TMEM266: variants seen among roughly 807,000 people sequenced by gnomAD.
TMEM266 encodes Hv1 related protein 1.
TMEM266 carries 33 observed loss-of-function variants against 50.5 expected under a neutral mutation model. That is an observed-to-expected ratio of 0.65 (90% CI 0.50 to 0.87). The LOEUF is 0.87. Among genes scored for constraint, TMEM266 ranks in the 40% least tolerant of loss-of-function variants. The probability of loss-of-function intolerance (pLI) is 0.00; values close to 1 mark genes in which losing one functional copy is unlikely to be tolerated. For missense variants in TMEM266, 655 were observed against 695.1 expected (o/e 0.94, Z 0.65); for synonymous variants, 310 against 292.3 (o/e 1.06, Z -0.62).
In TMEM266 at chr15:76,161,511, G is replaced by A. The variant is rs1042929565; in HGVS notation, c.456+1343G>A. ...AAAATCAGGAGGGAGCTGGGCTTTG[G>A]GTCTTGAGTCCAGAATCCTGAGTCC... On this transcript the variant is annotated intron_variant, in intron 5 of 10. Coordinates refer to ENST00000388942, the MANE Select transcript of TMEM266 (RefSeq NM_152335.3). This position sits in a 1 kb window ranked among gnomAD's most constrained non-coding sequence, Gnocchi z 4.1. 1.3e-5 allele frequency among the ~76,000 whole-genome samples: 2 copies of A among 151,974 alleles called. No homozygotes were observed. The highest frequency in any genetic ancestry group is 2.4e-5 in the African/African-American group (1 of 41,328).
At chr15:76,184,795 C>T (rs2038470512) in intron 8 of TMEM266, among the ~76,000 whole-genome samples, 1 of 152,244 alleles carries the variant, frequency 6.6e-6, no homozygotes, top group Non-Finnish European at 1.5e-5. Context: ...GCCTGACTCA[C>T]TCCAGTAATG....
In TMEM266 at chr15:76,184,639, T is replaced by C. The variant is rs576682336; in HGVS notation, c.769-7329T>C. On this transcript the variant is annotated intron_variant, in intron 8 of 10. Transcript: ENST00000388942. ...TACCATCGAGCTTCTGGCCAAAGTG[T>C]GCATTGATCAGGACAAGGCCCGTGT... 8.5e-5 allele frequency among the ~76,000 whole-genome samples: 13 copies of C among 152,354 alleles called. No individual in the cohort carries two copies. The East Asian group carries it at 2.5e-3, about 29-fold the overall frequency.
chr15:76,199,881 C>G (rs1268761563), intron 9 of TMEM266, among the ~76,000 whole-genome samples: 1 of 151,222 alleles, frequency 6.6e-6, no homozygotes, highest in Admixed American at 6.6e-5. Flanking sequence ...AGGAGACTTC[C>G]CAGGAGGGAT....
intron 1 of TMEM266, among the ~76,000 whole-genome samples, chr15:76,118,528 C>T (rs1567157462): frequency 6.6e-6 from 1 of 152,226 alleles, no homozygotes; most frequent in African/African-American, 2.4e-5. Flanking sequence ...CACTGCACTC[C>T]AGCCTGGGCA....
intron 6 of TMEM266, among the ~76,000 whole-genome samples, 177 bp from the exon 7 acceptor site, chr15:76,170,816 G>T (rs2038175712): frequency 6.6e-6 from 1 of 152,140 alleles, no homozygotes; most frequent in African/African-American, 2.4e-5. Context: ...ACGTCTAGGA[G>T]GAGGAGGCCC....
chr15:76,116,917 G>A (rs1428511174), intron 1 of TMEM266, among the ~76,000 whole-genome samples: 2 of 54,186 alleles, frequency 3.7e-5, no homozygotes, highest in Non-Finnish European at 7.9e-5. Flanking sequence ...TTTTTTTTTT[G>A]AGACGGAGTT....
intron 1 of TMEM266, among the ~76,000 whole-genome samples, chr15:76,061,104 C>T (rs2036293400): frequency 6.6e-6 from 1 of 152,118 alleles, no homozygotes; most frequent in African/African-American, 2.4e-5. Flanking sequence ...CTTACCTCCT[C>T]CCCCAAATAC....
chr15:76,119,118 CAG>C (rs1303857580), intron 1 of TMEM266, among the ~76,000 whole-genome samples: 1 of 152,166 alleles, frequency 6.6e-6, no homozygotes, highest in Non-Finnish European at 1.5e-5. Flanking sequence ...GCCATCTTCC[CAG>C]AGTTTCTAGT....
At chr15:76,071,716 CA>C (rs2036541988) in intron 1 of TMEM266, among the ~76,000 whole-genome samples, 1 of 152,124 alleles carries the variant, frequency 6.6e-6, no homozygotes, top group African/African-American at 2.4e-5. Flanking sequence ...TGGTTCCCAC[CA>C]GCCCCACCCC....
rs532370093 is a variant in TMEM266 at position 76,153,075 on chromosome 15, C to G, written c.228-3529C>G. 6.6e-6 allele frequency among the ~76,000 whole-genome samples: 1 copy of G among 152,118 alleles called. No individual in the cohort carries two copies. The highest frequency in any genetic ancestry group is 2.4e-5 in the African/African-American group (1 of 41,492). On this transcript the variant is annotated intron_variant, in intron 3 of 10. Coordinates refer to ENST00000388942, the MANE Select transcript of TMEM266 (RefSeq NM_152335.3). The surrounding 1 kb of genome is among the most constrained non-coding windows in gnomAD (Gnocchi z 4.2). ...GGCTGACTTCAGACCACAGGTAACT[C>G]CAGACGCCCACCTCCTGCAGCTTCC...
intron 8 of TMEM266, among the ~76,000 whole-genome samples, chr15:76,182,730 A>G (rs1282318181): frequency 6.6e-6 from 1 of 152,208 alleles, no homozygotes; most frequent in Non-Finnish European, 1.5e-5. Flanking sequence ...GTCATGTTTT[A>G]GCTCATTTTT....
In TMEM266 at chr15:76,125,079, A is replaced by G. The variant is rs918115121; in HGVS notation, c.-96-9089A>G. 3.9e-5 allele frequency among the ~76,000 whole-genome samples: 6 copies of G among 152,188 alleles called. No homozygotes were observed. In the South Asian group the frequency reaches 6.2e-4, roughly 16 times the overall value. On this transcript the variant is annotated intron_variant, in intron 1 of 10. Coordinates refer to ENST00000388942, the MANE Select transcript of TMEM266 (RefSeq NM_152335.3). ...AATTGGACAAAAGTGCCAAAAATAC[A>G]CAATGGGAAAAGGATAGTCTCTTCA...
chr15:76,204,210 G>T lies in TMEM266; in HGVS notation c.1491G>T (p.Gln497His). Residue 497 changes from glutamine to histidine, a missense_variant, in exon 11 of 11, where the codon CAG becomes CAT. Physicochemically the swap from Gln to His is conservative, Grantham distance 24. Around this residue, in one of 3 missense-constraint regions of TMEM266, gnomAD observed 455 missense variants for 401.8 expected, o/e 1.13. Coordinates refer to ENST00000388942, the MANE Select transcript of TMEM266 (RefSeq NM_152335.3). ...ACCAGGAGGGCTTCACTGTCTTTCA[G>T]ATCAGGCCTGTCATCCACTTCCAGC... ...VFQIRPVIHF[Q>H]PTVPMLEDKF... 1.2e-6 allele frequency: 2 copies of T among 1,614,002 alleles called. No homozygotes were observed. The highest frequency in any genetic ancestry group is 8.5e-7 in the Non-Finnish European group (1 of 1,180,014).
chr15:76,156,415 G>A (rs1204070593), intron 3 of TMEM266, among the ~76,000 whole-genome samples, 189 bp from the exon 4 acceptor site: 1 of 152,150 alleles, frequency 6.6e-6, no homozygotes, highest in Non-Finnish European at 1.5e-5. Flanking sequence ...TTCTTAATGA[G>A]ATATTTTCAC....
At chr15:76,180,274 G>A (rs1461965158) in intron 8 of TMEM266, among the ~76,000 whole-genome samples, 4 of 152,048 alleles carry the variant, frequency 2.6e-5, no homozygotes, top group Non-Finnish European at 5.9e-5. Flanking sequence ...GCTCCACGTC[G>A]CATTCAGTAG....
At chr15:76,156,472 T>A (rs2037928343) in intron 3 of TMEM266, 132 bp from the exon 4 acceptor site, 3 of 880,736 alleles carry the variant, frequency 3.4e-6, no homozygotes, top group Non-Finnish European at 5.3e-6. Flanking sequence ...TGTTTCGCCA[T>A]GAAGCCTAGA....
intron 9 of TMEM266, among the ~76,000 whole-genome samples, chr15:76,197,184 G>A (rs2038669215): frequency 6.6e-6 from 1 of 152,206 alleles, no homozygotes; most frequent in Admixed American, 6.5e-5. Context: ...TGATCATGAA[G>A]GCAAGGCTTT....
At chr15:76,143,293 C>G (rs78045630) in intron 3 of TMEM266, among the ~76,000 whole-genome samples, 1 of 152,048 alleles carries the variant, frequency 6.6e-6, no homozygotes, top group Non-Finnish European at 1.5e-5. Context: ...TTGAAAGCCT[C>G]GTGACGTTTG....
chr15:76,134,763 A>G (rs1373257002), intron 2 of TMEM266, among the ~76,000 whole-genome samples: 1 of 152,254 alleles, frequency 6.6e-6, no homozygotes, highest in Non-Finnish European at 1.5e-5. Flanking sequence ...CTGCTCTGTC[A>G]TCTGGAGTAT....
Sources: allele counts gnomAD v4.1 joint callset (sites outside exome capture counted in the v4.1 genomes callset), GRCh38; gene constraint gnomAD v4.1.1; regional missense constraint gnomAD v4.1.1; non-coding constraint Gnocchi (gnomAD v3.1); transcripts MANE v1.5; gene names NCBI Gene and HGNC (gene_info 2026-07-23, HGNC 2026-07-21).